HYDIN: variants seen among roughly 807,000 people sequenced by gnomAD.
The protein encoded by HYDIN is axonemal central pair apparatus protein HYDIN.
In HYDIN, 132 loss-of-function variants were observed where a neutral mutation model predicts 403.9. That is an observed-to-expected ratio of 0.33 (90% CI 0.28 to 0.38). The LOEUF (loss-of-function observed/expected upper bound fraction) is 0.38, where lower values mean the gene tolerates loss of function less well. HYDIN is among the 10% of genes least tolerant of loss of function. HYDIN has a pLI of 1.00. For missense variants in HYDIN, 2,827 were observed against 5,009.5 expected (o/e 0.56, Z 13.15); for synonymous variants, 1,202 against 1,891.7 (o/e 0.64, Z 9.46).
intron 1 of HYDIN, among the ~76,000 whole-genome samples, chr16:71,204,258 G>T (rs941929493): frequency 6.6e-6 from 1 of 152,148 alleles, no homozygotes; most frequent in Admixed American, 6.5e-5. Flanking sequence ...TAACACCTGG[G>T]AATCAGATTT....
rs201593074 is a variant in HYDIN, at chr16:70,955,658, C to G, written c.6143-110G>C. On this transcript the variant is annotated intron_variant, in intron 39 of 85. Coordinates refer to ENST00000393567, the MANE Select transcript of HYDIN (RefSeq NM_001270974.2). ...CTGCAAAGTGATCTCTCTGAGTGCT[C>G]TGCCTCCTTCCCATGTGGCTGGAGG... is the stretch of plus-strand genomic sequence containing the variant. 1.3e-3 allele frequency: 738 copies of G among 569,700 alleles called. 17 individuals are homozygous for G. The East Asian group carries it at 0.022, about 17-fold the overall frequency. 35.3% of individuals were successfully genotyped at this position (569,700 alleles called of 1,614,324 possible).
intron 44 of HYDIN, among the ~76,000 whole-genome samples, chr16:70,938,163 G>A (rs1408022691): frequency 1.3e-5 from 2 of 152,264 alleles, no homozygotes; most frequent in Non-Finnish European, 2.9e-5. Flanking sequence ...GCAGGGGGAG[G>A]AAGGGCTGAG....
At chr16:71,229,791 T>C (rs533798014) in intron 1 of HYDIN, among the ~76,000 whole-genome samples, 55 of 152,322 alleles carry the variant, frequency 3.6e-4, no homozygotes, top group Non-Finnish European at 6.0e-4. Context: ...TCTGAGCTAA[T>C]GGAATCATTC....
chr16:71,205,049 C>T (rs2088222358), intron 1 of HYDIN, among the ~76,000 whole-genome samples: 1 of 152,358 alleles, frequency 6.6e-6, no homozygotes, highest in South Asian at 2.1e-4. Context: ...ACCATAGTCA[C>T]TTTTGCCCTT....
At chr16:71,100,375 A>G (rs1257574264) in intron 10 of HYDIN, among the ~76,000 whole-genome samples, 1 of 152,196 alleles carries the variant, frequency 6.6e-6, no homozygotes, top group Non-Finnish European at 1.5e-5. Context: ...AGCAGGTAGA[A>G]TTTGGTGGAG....
chr16:71,226,072 T>C (rs1348704035), intron 1 of HYDIN, among the ~76,000 whole-genome samples: 4 of 152,180 alleles, frequency 2.6e-5, no homozygotes, highest in Non-Finnish European at 5.9e-5. Flanking sequence ...CTAAAGTTTG[T>C]ATGGAAAGGT....
At chr16:70,858,851 C>T (rs1241207916) in intron 71 of HYDIN, among the ~76,000 whole-genome samples, 1 of 151,660 alleles carries the variant, frequency 6.6e-6, no homozygotes, top group Non-Finnish European at 1.5e-5. Flanking sequence ...AGCTCCTGGA[C>T]CTTGTCACAT....
At chr16:71,177,898 A>C (rs1318764683) in intron 4 of HYDIN, among the ~76,000 whole-genome samples, 3 of 152,240 alleles carry the variant, frequency 2.0e-5, no homozygotes. Flanking sequence ...TTATCTCTAA[A>C]GAAAAAGTCA....
chr16:71,230,609 A>G lies in HYDIN; in HGVS notation c.-71T>C. 6.5e-7 allele frequency: 1 copy of G among 1,536,024 alleles called. No individual in the cohort carries two copies. The highest frequency in any genetic ancestry group is 8.7e-7 in the Non-Finnish European group (1 of 1,146,854). The stretch of plus-strand genomic sequence containing the variant: ...GTTTATTCTACCTCCATTCCCCGCC[A>G]AGACCCCGCGTCCAACTCACAGACC... On this transcript the variant is annotated 5_prime_UTR_variant, in exon 1 of 86. Coordinates refer to ENST00000393567, the MANE Select transcript of HYDIN (RefSeq NM_001270974.2).
At chr16:71,177,199 C>T (rs549564221) in intron 4 of HYDIN, among the ~76,000 whole-genome samples, 2 of 152,256 alleles carry the variant, frequency 1.3e-5, no homozygotes, top group South Asian at 4.2e-4. Context: ...TGCCCTTTAC[C>T]CCGACTTGCT....
At chr16:71,080,745 GCA>G (rs1178136973) in intron 12 of HYDIN, 2 of 141,344 alleles carry the variant, frequency 1.4e-5, no homozygotes, top group African/African-American at 5.6e-5. Context: ...AATTAAGGTA[GCA>G]GATGGAATTA....
chr16:70,865,865 AAG>A (rs1425325923), intron 67 of HYDIN, among the ~76,000 whole-genome samples: 3 of 152,358 alleles, frequency 2.0e-5, no homozygotes, highest in Admixed American at 2.0e-4. Context: ...CATGGGCAAA[AAG>A]AACAGATCCT....
At chr16:71,176,338 G>A (rs1394949434) in intron 4 of HYDIN, among the ~76,000 whole-genome samples, 1 of 150,386 alleles carries the variant, frequency 6.6e-6, no homozygotes, top group African/African-American at 2.4e-5. Context: ...CTATCTTCAA[G>A]GGCTCTTTAA....
intron 14 of HYDIN, among the ~76,000 whole-genome samples, chr16:71,068,501 G>C (rs2082347809): frequency 6.6e-6 from 1 of 151,504 alleles, no homozygotes; most frequent in Non-Finnish European, 1.5e-5. Context: ...ATGTATCTGG[G>C]CTGTGGCTAG....
chr16:70,910,404 C>T (rs578046580), intron 47 of HYDIN, among the ~76,000 whole-genome samples: 110 of 152,242 alleles, frequency 7.2e-4, no homozygotes, highest in African/African-American at 2.3e-3. Context: ...CTGTGAATGC[C>T]GTTAATTCAT....
At chr16:71,205,207 G>C (rs2088229937) in intron 1 of HYDIN, among the ~76,000 whole-genome samples, 1 of 152,196 alleles carries the variant, frequency 6.6e-6, no homozygotes, top group Non-Finnish European at 1.5e-5. Context: ...AATGAATACA[G>C]ACCCTACATA....
intron 64 of HYDIN, among the ~76,000 whole-genome samples, 192 bp from the exon 65 acceptor site, chr16:70,872,371 T>TATCCATCCATCCATCC (rs144467788): frequency 6.6e-5 from 9 of 137,018 alleles, no homozygotes; most frequent in African/African-American, 2.8e-4. Flanking sequence ...TCCATCCATC[T>TATCCATCCATCCATCC]ATCCATCCAT....
At chr16:71,068,274 A>C (rs2082341639) in intron 14 of HYDIN, among the ~76,000 whole-genome samples, 1 of 147,932 alleles carries the variant, frequency 6.8e-6, no homozygotes, top group Non-Finnish European at 1.5e-5. Context: ...TTCTATCTAT[A>C]AATTATGCAT....
At chr16:70,808,467 G>T (rs1420394051) in intron 85 of HYDIN, among the ~76,000 whole-genome samples, 1 of 152,120 alleles carries the variant, frequency 6.6e-6, no homozygotes, top group Non-Finnish European at 1.5e-5. Flanking sequence ...TTCCATGCTA[G>T]AGCCTTTCAT....
Sources: gnomAD v4.1 joint callset for allele counts (sites outside exome capture counted in the v4.1 genomes callset) on GRCh38, gnomAD v4.1.1 for gene constraint, MANE v1.5 for transcripts, NCBI Gene and HGNC (gene_info 2026-07-23, HGNC 2026-07-21) for gene names.